EEFSEC: variants seen among roughly 807,000 people sequenced by gnomAD.
The protein encoded by EEFSEC is eukaryotic elongation factor, selenocysteine-tRNA specific.
In EEFSEC, 43 loss-of-function variants were observed where a neutral mutation model predicts 42.1. The ratio of observed to expected loss-of-function variants is 1.02; its 90% confidence interval spans 0.80 to 1.32. EEFSEC has a LOEUF of 1.32. Ranked by LOEUF, EEFSEC falls within the 40% of genes most tolerant of loss-of-function variation. EEFSEC has a pLI of 0.00. For missense variants in EEFSEC, 745 were observed against 803.6 expected, an observed-to-expected ratio of 0.93 and a Z score of 0.88; for synonymous variants, 354 against 339.1, an observed-to-expected ratio of 1.04 and a Z score of -0.48.
intron 1 of EEFSEC, among the ~76,000 whole-genome samples, chr3:128,159,222 C>T (rs921520732): frequency 6.6e-6 from 1 of 152,212 alleles, no homozygotes; most frequent in African/African-American, 2.4e-5. Flanking sequence ...GTTAGTTAGC[C>T]TTATTTCTCA....
At chr3:128,165,634 A>G (rs1486832626) in intron 1 of EEFSEC, among the ~76,000 whole-genome samples, 3 of 152,230 alleles carry the variant, frequency 2.0e-5, no homozygotes, top group African/African-American at 7.2e-5. Context: ...TGAGGCCTTC[A>G]GGAAGACTAA....
chr3:128,264,817 G>A (rs376701534), intron 4 of EEFSEC, 36 bp downstream of exon 4: 26 of 1,594,400 alleles, frequency 1.6e-5, no homozygotes, highest in African/African-American at 2.7e-5. Context: ...TGGCCTCCTC[G>A]CTGGCAGCAA....
intron 6 of EEFSEC, among the ~76,000 whole-genome samples, chr3:128,400,572 G>A (rs2016399): frequency 0.034 from 5,154 of 152,294 alleles, 274 homozygotes; most frequent in African/African-American, 0.12. Context: ...AGTGGGTAGT[G>A]CTGGAGTGAC....
rs572746493 is a variant in EEFSEC at position 128,249,637 on chromosome 3, C to T, written c.524+2594C>T. Among the ~76,000 whole-genome samples the T allele has an allele frequency of 8.5e-5, 13 of 152,260 alleles. No individual in the cohort carries two copies. The East Asian group carries it at 2.3e-3, about 27-fold the overall frequency. ...GCAACCTCTATTCTGCTTCTCATCT[C>T]TATGAATTTGCCTGTTCTAGATACC... On this transcript the variant is annotated intron_variant, in intron 2 of 6. Transcript: ENST00000254730.
At position 128,218,749 on chromosome 3, in the gene EEFSEC, G is replaced by A. The variant is rs150362409; in HGVS notation, c.317-28087G>A. Among the ~76,000 whole-genome samples the A allele has an allele frequency of 2.2e-3, 335 of 152,270 alleles. 1 individual carries two copies. The highest frequency in any genetic ancestry group is 7.3e-3 in the African/African-American group (305 of 41,552). ...GGACAAGCAAGTGAATAAGAACAGA[G>A]CCTCCCCTACCCCAAAGGCAACCAT... On this transcript the variant is annotated intron_variant, in intron 1 of 6. Transcript: ENST00000254730.
At chr3:128,327,972 G>C (rs1006282450) in intron 4 of EEFSEC, among the ~76,000 whole-genome samples, 1 of 152,212 alleles carries the variant, frequency 6.6e-6, no homozygotes, top group Non-Finnish European at 1.5e-5. Flanking sequence ...GGAGCCAAAG[G>C]CTGAGGCTTG....
At chr3:128,277,417 G>C (rs772054798) in intron 4 of EEFSEC, among the ~76,000 whole-genome samples, 1 of 152,118 alleles carries the variant, frequency 6.6e-6, no homozygotes, top group Non-Finnish European at 1.5e-5. Flanking sequence ...ACATGTTCTT[G>C]TTTATAAATA....
intron 1 of EEFSEC, among the ~76,000 whole-genome samples, chr3:128,174,475 A>C (rs2065328562): frequency 6.6e-6 from 1 of 152,142 alleles, no homozygotes; most frequent in South Asian, 2.1e-4. Flanking sequence ...TGCCTAATTA[A>C]TAGTTGCCTC....
chr3:128,167,077 GT>G (rs1327901664), intron 1 of EEFSEC, among the ~76,000 whole-genome samples: 1 of 152,130 alleles, frequency 6.6e-6, no homozygotes, highest in Admixed American at 6.5e-5. Flanking sequence ...CCACATGCAG[GT>G]CTGTGGACAG....
chr3:128,408,019 CG>C, intron 6 of EEFSEC, 49 bp from the exon 7 acceptor site: 1 of 1,482,320 alleles, frequency 6.7e-7, no homozygotes, highest in Non-Finnish European at 9.0e-7. Context: ...AGGGAGCCCA[CG>C]GGTGCTTGGG....
chr3:128,174,888 C>T (rs977499976), intron 1 of EEFSEC, among the ~76,000 whole-genome samples: 1 of 152,022 alleles, frequency 6.6e-6, no homozygotes, highest in African/African-American at 2.4e-5. Flanking sequence ...GCATTGCAGA[C>T]AGCAGGAAAG....
At chr3:128,276,996 G>C (rs2066475337) in intron 4 of EEFSEC, among the ~76,000 whole-genome samples, 1 of 152,202 alleles carries the variant, frequency 6.6e-6, no homozygotes, top group Non-Finnish European at 1.5e-5. Flanking sequence ...TGGGGAGCCT[G>C]GCCTCCCAAC....
chr3:128,178,614 A>G (rs970809176), intron 1 of EEFSEC, among the ~76,000 whole-genome samples: 9 of 152,130 alleles, frequency 5.9e-5, no homozygotes, highest in African/African-American at 1.7e-4. Context: ...TTTTTTTTCT[A>G]TTAAACTCTT....
chr3:128,404,162 A>AT (rs1259258268), intron 6 of EEFSEC, among the ~76,000 whole-genome samples: 1 of 152,204 alleles, frequency 6.6e-6, no homozygotes, highest in Non-Finnish European at 1.5e-5. Flanking sequence ...AGGAAAAAAA[A>AT]GGCCACTGGG....
chr3:128,303,695 T>C (rs2066794973), intron 4 of EEFSEC, among the ~76,000 whole-genome samples: 1 of 152,166 alleles, frequency 6.6e-6, no homozygotes, highest in Non-Finnish European at 1.5e-5. Flanking sequence ...CATTTAGAAG[T>C]TTTACATACT....
intron 4 of EEFSEC, among the ~76,000 whole-genome samples, chr3:128,284,965 G>A (rs1035049152): frequency 6.6e-6 from 1 of 151,970 alleles, no homozygotes; most frequent in Non-Finnish European, 1.5e-5. Context: ...ATTTTAAGCA[G>A]GGGAAGAGGG....
intron 6 of EEFSEC, among the ~76,000 whole-genome samples, chr3:128,401,759 C>T (rs976070269): frequency 6.6e-6 from 1 of 152,098 alleles, no homozygotes; most frequent in Admixed American, 6.5e-5. Flanking sequence ...GAGGAGGCAG[C>T]GAGGCAGGGC....
chr3:128,326,063 G>A (rs970146566), intron 4 of EEFSEC, among the ~76,000 whole-genome samples: 9 of 152,228 alleles, frequency 5.9e-5, no homozygotes, highest in African/African-American at 1.4e-4. Context: ...GTGATCTTGT[G>A]TGGTGCTGGG....
intron 5 of EEFSEC, among the ~76,000 whole-genome samples, chr3:128,348,346 T>C (rs1303925100): frequency 2.0e-5 from 3 of 152,018 alleles, no homozygotes; most frequent in African/African-American, 7.2e-5. Flanking sequence ...TGCTCCTCAT[T>C]TGATTAAGGC....
Sources: allele counts gnomAD v4.1 joint callset (sites outside exome capture counted in the v4.1 genomes callset), GRCh38; gene constraint gnomAD v4.1.1; transcripts MANE v1.5; gene names NCBI Gene and HGNC (gene_info 2026-07-23, HGNC 2026-07-21).